PCAT7: variants seen among roughly 807,000 people sequenced by gnomAD.
PCAT7 encodes the protein prostate cancer associated transcript 7 (non-protein coding).
chr9:94,574,532 A>G (rs1227060010), intron 3 of PCAT7, among the ~76,000 whole-genome samples: 5 of 152,114 alleles, frequency 3.3e-5, no homozygotes, highest in South Asian at 2.1e-4. Context: ...AGCTCTTTAT[A>G]TATAAAGGAT....
intron 2 of PCAT7, chr9:94,567,272 C>G (rs201631172): frequency 2.5e-6 from 4 of 1,614,140 alleles, no homozygotes; most frequent in Admixed American, 3.3e-5. Context: ...TCACTCACCT[C>G]AGGGAATTTC....
chr9:94,559,865 G>A (rs1020048224), intron 2 of PCAT7, among the ~76,000 whole-genome samples: 4 of 152,150 alleles, frequency 2.6e-5, no homozygotes, highest in East Asian at 1.9e-4. Flanking sequence ...TGTTGGCTCC[G>A]GCCTGTAATC....
At chr9:94,558,668 A>C in intron 1 of PCAT7, 1 of 398,100 alleles carries the variant, frequency 2.5e-6, no homozygotes, top group Non-Finnish European at 4.6e-6. Flanking sequence ...GACAGACGGA[A>C]TTATAACCAT....
At chr9:94,559,278 G>T in intron 2 of PCAT7, 1 of 669,818 alleles carries the variant, frequency 1.5e-6, no homozygotes, top group Admixed American at 3.0e-5. Flanking sequence ...GAGTGGGCCC[G>T]AGCTTTAGAG....
exon 2 of PCAT7, chr9:94,559,095 A>C: frequency 6.2e-7 from 1 of 1,613,862 alleles, no homozygotes; most frequent in Non-Finnish European, 8.5e-7. Context: ...CTGCTCAATG[A>C]TGTAGGCCAC....
At chr9:94,557,574 T>C (rs1827029744) in intron 1 of PCAT7, among the ~76,000 whole-genome samples, 1 of 152,236 alleles carries the variant, frequency 6.6e-6, no homozygotes, top group African/African-American at 2.4e-5. Flanking sequence ...AATGTGTCTG[T>C]GGGCTGTATG....
intron 2 of PCAT7, among the ~76,000 whole-genome samples, chr9:94,559,460 A>C (rs1185995352): frequency 6.6e-6 from 1 of 152,118 alleles, no homozygotes; most frequent in East Asian, 1.9e-4. Context: ...GTTCAACAAG[A>C]AGCAAACTGA....
chr9:94,574,588 G>C (rs1827299102), intron 3 of PCAT7, among the ~76,000 whole-genome samples: 1 of 151,956 alleles, frequency 6.6e-6, no homozygotes, highest in African/African-American at 2.4e-5. Context: ...GATTGTCATT[G>C]CCTTCTTATT....
At chr9:94,571,430 C>T in intron 2 of PCAT7, 1 of 1,572,596 alleles carries the variant, frequency 6.4e-7, no homozygotes, top group Non-Finnish European at 8.6e-7. Flanking sequence ...ATGGAGTCCC[C>T]AGGCACAGAT....
At chr9:94,563,927 CAAG>C (rs1827147218) in intron 2 of PCAT7, among the ~76,000 whole-genome samples, 1 of 152,268 alleles carries the variant, frequency 6.6e-6, no homozygotes, top group Non-Finnish European at 1.5e-5. Flanking sequence ...CTCAATTCAA[CAAG>C]AAGACTTAAC....
At chr9:94,557,992 T>A (rs1304413331) in intron 1 of PCAT7, among the ~76,000 whole-genome samples, 1 of 152,166 alleles carries the variant, frequency 6.6e-6, no homozygotes, top group Non-Finnish European at 1.5e-5. Flanking sequence ...AAACTGAAAA[T>A]GCAAGGTTAA....
rs148119166 is a variant in PCAT7, at chr9:94,557,635, G to C, written n.258-1334G>C. Among the ~76,000 whole-genome samples the C allele has an allele frequency of 3.4e-3, 525 of 152,284 alleles. 7 individuals are homozygous for C. The highest frequency in any genetic ancestry group is 0.011 in the African/African-American group (448 of 41,560). ...GAAAGGAGAGCCTTGCTTCCTCCAG[G>C]GCCTTGCCTGGTCCCACCCGACACT... is the stretch of plus-strand genomic sequence containing the variant. On this transcript the variant is annotated intron_variant and non_coding_transcript_variant, in intron 1 of 8. Transcript: ENST00000647389.
intron 2 of PCAT7, among the ~76,000 whole-genome samples, chr9:94,563,141 A>T (rs1827133807): frequency 1.3e-5 from 2 of 152,172 alleles, no homozygotes; most frequent in Non-Finnish European, 2.9e-5. Flanking sequence ...CAGTCACATA[A>T]CGTCAGCCTG....
chr9:94,558,680 T>C (rs1827045461), intron 1 of PCAT7: 1 of 428,872 alleles, frequency 2.3e-6, no homozygotes, highest in Admixed American at 3.9e-5. Context: ...TATAACCATA[T>C]TTGCCACTGT....
chr9:94,570,808 A>G (rs1018572940), intron 2 of PCAT7: 1 of 152,162 alleles, frequency 6.6e-6, no homozygotes, highest in African/African-American at 2.4e-5. Flanking sequence ...CTCTCCACAC[A>G]TGTGCACTAA....
intron 2 of PCAT7, chr9:94,563,258 C>T (rs1827135666): frequency 1.4e-6 from 2 of 1,477,608 alleles, no homozygotes; most frequent in East Asian, 2.4e-5. Flanking sequence ...TGAAGCAGTG[C>T]AGTAGCCAAA....
At chr9:94,562,665 C>G (rs1242940326) in intron 2 of PCAT7, among the ~76,000 whole-genome samples, 1 of 152,098 alleles carries the variant, frequency 6.6e-6, no homozygotes, top group Non-Finnish European at 1.5e-5. Flanking sequence ...GACTACTTAC[C>G]TACGATTTCT....
chr9:94,556,403 G>T (rs2131434424), intron 1 of PCAT7, among the ~76,000 whole-genome samples: 1 of 151,940 alleles, frequency 6.6e-6, no homozygotes, highest in Non-Finnish European at 1.5e-5. Flanking sequence ...ACGGTAGGGA[G>T]AAAACGGTGA....
chr9:94,558,380 T>C lies in PCAT7; in HGVS notation n.258-589T>C, dbSNP rs538116282. On this transcript the variant is annotated intron_variant and non_coding_transcript_variant, in intron 1 of 8. Transcript: ENST00000647389. ...CGCGATCTCGGCTCACTGCAAGCTC[T>C]GCCTCCCGGGTTCACGCCATTCTCC... 6.9e-3 allele frequency among the ~76,000 whole-genome samples: 1,046 copies of C among 152,256 alleles called. 10 individuals are homozygous for C. The highest frequency in any genetic ancestry group is 0.024 in the African/African-American group (1,003 of 41,542).
Sources: gnomAD v4.1 joint callset for allele counts (sites outside exome capture counted in the v4.1 genomes callset) on GRCh38, gnomAD v4.1.1 for gene constraint, MANE v1.5 for transcripts, NCBI Gene and HGNC (gene_info 2026-07-23, HGNC 2026-07-21) for gene names.